The following UBXN10 variants were observed in gnomAD, a reference collection of about 807,000 sequenced individuals.
UBXN10 encodes UBX domain-containing protein 10.
Under a neutral mutation model 6.9 loss-of-function variants are expected in UBXN10, and 6 were observed. The observed-to-expected ratio is 0.87, with a 90% confidence interval of 0.48 to 1.72. The LOEUF is 1.72. Among genes scored for constraint, UBXN10 ranks in the 40% most tolerant of loss-of-function variants. The probability of loss-of-function intolerance (pLI) is 0.01; values close to 1 mark genes in which losing one functional copy is unlikely to be tolerated. For synonymous variants in UBXN10, 131 were observed against 135.2 expected, an observed-to-expected ratio of 0.97 and a Z score of 0.21; for missense variants, 317 against 348.4, an observed-to-expected ratio of 0.91 and a Z score of 0.72.
At position 20,191,591 on chromosome 1, in the gene UBXN10, A is replaced by G; in HGVS notation, c.*187A>G. On this transcript the variant is annotated 3_prime_UTR_variant, in exon 2 of 2. Coordinates refer to ENST00000375099, the MANE Select transcript of UBXN10 (RefSeq NM_152376.5). The surrounding 1 kb of genome is among the most constrained non-coding windows in gnomAD (Gnocchi z 4.5). ...TGTGCCTATGCCGAGCGCGCTAAGAAGTCTCCCTTCCAGCTGTTCCATTCT... is the reference window on the plus strand; with the variant it reads ...TGTGCCTATGCCGAGCGCGCTAAGAGGTCTCCCTTCCAGCTGTTCCATTCT... 2.3e-6 allele frequency: 2 copies of G among 861,488 alleles called. No homozygotes were observed. Among genetic ancestry groups the G allele is most frequent in the Non-Finnish European group, 3.5e-6 (2 of 577,278 alleles). The allele number at this position is 861,488 out of a possible 1,614,324, so 53.4% of individuals were successfully genotyped here. A position where few individuals can be genotyped will look rare whatever the true frequency, so the allele number is the denominator to read the frequency against.
chr1:20,191,641 G>A lies in UBXN10; in HGVS notation c.*237G>A, dbSNP rs545216575. ...TCTCCACCACCAGCGTAACTGGCAA[G>A]TTACCAAGGTTGTTCCTGAAACAGC... On this transcript the variant is annotated 3_prime_UTR_variant, in exon 2 of 2. Coordinates refer to ENST00000375099, the MANE Select transcript of UBXN10 (RefSeq NM_152376.5). This position sits in a 1 kb window ranked among gnomAD's most constrained non-coding sequence, Gnocchi z 4.5. The A allele has an allele frequency of 1.5e-5, 8 of 527,700 alleles. No homozygotes were observed. In the African/African-American group the frequency reaches 1.5e-4, roughly 10 times the overall value. 32.7% of individuals were successfully genotyped at this position (527,700 alleles called of 1,614,324 possible). A position where few individuals can be genotyped will look rare whatever the true frequency, so the allele number is the denominator to read the frequency against.
intron 1 of UBXN10, among the ~76,000 whole-genome samples, chr1:20,189,871 C>T (rs1331147753): frequency 6.6e-6 from 1 of 152,242 alleles, no homozygotes; most frequent in Non-Finnish European, 1.5e-5. Context: ...TGGGTCCTAT[C>T]TCCAGCTCTG....
At chr1:20,183,469 C>T (rs565506349), upstream of UBXN10, among the ~76,000 whole-genome samples, 1 of 152,304 alleles carries the variant, frequency 6.6e-6, no homozygotes, top group South Asian at 2.1e-4. Flanking sequence ...AATTGCTCTG[C>T]TGCTCCTTCA....
Position 20,190,596 on chromosome 1 carries a change from C to T in UBXN10, c.35C>T (p.Pro12Leu). The change falls in exon 2 of 2, where the codon CCT (proline) becomes CTT (leucine). Residue 12 changes from proline (P) to leucine (L), a missense_variant. Transcript: ENST00000375099. ...ATEAPVNIAP[P>L]ECSTVVSTAV... ...GAAGCCCCTGTGAATATAGCACCAC[C>T]TGAGTGTAGCACTGTTGTCAGCACA... The T allele has an allele frequency of 6.2e-7, 1 of 1,614,132 alleles. No individual in the cohort carries two copies. Among genetic ancestry groups the T allele is most frequent in the African/African-American group, 1.3e-5 (1 of 75,026 alleles).
Position 20,191,271 on chromosome 1 carries a change from G to A in UBXN10, c.710G>A (p.Arg237Gln), listed in dbSNP as rs567277729. 8.1e-6 allele frequency: 13 copies of A among 1,614,166 alleles called. No homozygotes were observed. Among genetic ancestry groups the A allele is most frequent in the African/African-American group, 4.0e-5 (3 of 75,036 alleles). Reference sequence around the variant, plus strand: ...GAACAGAAAAACAAAACCTCCTACCGACACTGCAGCATTGAAACAATGGAG... The same window carrying A: ...GAACAGAAAAACAAAACCTCCTACCAACACTGCAGCATTGAAACAATGGAG... ...VAEQKNKTSY[R>Q]HCSIETMEVP... Residue 237 changes from arginine to glutamine, a missense_variant, in exon 2 of 2, where the codon CGA becomes CAA. Transcript: ENST00000375099. This position sits in a 1 kb window ranked among gnomAD's most constrained non-coding sequence, Gnocchi z 4.5.
chr1:20,190,408 T>C (rs533214164), intron 1 of UBXN10, 139 bp from the exon 2 acceptor site: 114 of 1,094,504 alleles, frequency 1.0e-4, no homozygotes, highest in Non-Finnish European at 1.3e-4. Flanking sequence ...CATGCCTGAA[T>C]GAATAAATTG....
In UBXN10 at chr1:20,191,349, T is replaced by G; in HGVS notation, c.788T>G (p.Ile263Ser). 1 of 1,614,072 alleles carries G rather than the reference T, an allele frequency of 6.2e-7. No homozygotes were observed. The highest frequency in any genetic ancestry group is 8.5e-7 in the Non-Finnish European group (1 of 1,179,982). Residue 263 changes from isoleucine (I) to serine (S), a missense_variant, in exon 2 of 2, where the codon ATC becomes AGC. By Grantham distance (142) the Ile-to-Ser change is moderately radical. Coordinates refer to ENST00000375099, the MANE Select transcript of UBXN10 (RefSeq NM_152376.5). This position sits in a 1 kb window ranked among gnomAD's most constrained non-coding sequence, Gnocchi z 4.5. ...ACCAAATCTCTGCAAGAGTGCAGAA[T>G]CCCCCACAAGTCTGTGCTGGGCATC... Reference protein sequence around the residue: ...DLTKSLQECRIPHKSVLGISL... With the variant: ...DLTKSLQECRSPHKSVLGISL...
Position 20,191,275 on chromosome 1 carries a change from C to T in UBXN10, c.714C>T (p.His238=). The T allele has an allele frequency of 6.2e-7, 1 of 1,614,240 alleles. No individual in the cohort carries two copies. The highest frequency in any genetic ancestry group is 1.1e-5 in the South Asian group (1 of 91,086). ...AGAAAAACAAAACCTCCTACCGACA[C>T]TGCAGCATTGAAACAATGGAGGTGC... is the stretch of plus-strand genomic sequence containing the variant. ...AEQKNKTSYR[H]CSIETMEVPR... The change falls in exon 2 of 2, where the codon CAC becomes CAT. Residue 238 remains histidine (H), a synonymous_variant. Coordinates refer to ENST00000375099, the MANE Select transcript of UBXN10 (RefSeq NM_152376.5). This position sits in a 1 kb window ranked among gnomAD's most constrained non-coding sequence, Gnocchi z 4.5.
At chr1:20,188,271 C>A (rs2018433354) in intron 1 of UBXN10, among the ~76,000 whole-genome samples, 1 of 152,128 alleles carries the variant, frequency 6.6e-6, no homozygotes, top group African/African-American at 2.4e-5. Flanking sequence ...TACTAGCAGC[C>A]AGACTGGGTG....
At position 20,195,155 on chromosome 1, in the gene UBXN10, C is replaced by T. The variant is rs977484003; in HGVS notation, c.*3751C>T. 4 of 167,144 alleles carry T rather than the reference C, an allele frequency of 2.4e-5. No individual in the cohort carries two copies. The highest frequency in any genetic ancestry group is 9.6e-5 in the African/African-American group (4 of 41,470). The allele number at this position is 167,144 out of a possible 1,614,324, so 10.4% of individuals were successfully genotyped here. A position where few individuals can be genotyped will look rare whatever the true frequency, so the allele number is the denominator to read the frequency against. On this transcript the variant is annotated 3_prime_UTR_variant, in exon 2 of 2. Coordinates refer to ENST00000375099, the MANE Select transcript of UBXN10 (RefSeq NM_152376.5). The stretch of plus-strand genomic sequence containing the variant: ...CCTGATTAGGGAAGCTTCTCCCAGC[C>T]CTTTCTGACGTTCATCTGTGTGCCT...
rs1432995471 is a variant in UBXN10 at position 20,192,284 on chromosome 1, GA to G, written c.*881del. ...AACCTCCTTGGCTTATTTGGGGGTGGAGCAATTGTTTTATTCCCCAGTTTCA... is the reference window on the plus strand; with the variant it reads ...AACCTCCTTGGCTTATTTGGGGGTGGGCAATTGTTTTATTCCCCAGTTTCA... On this transcript the variant is annotated 3_prime_UTR_variant, in exon 2 of 2. Coordinates refer to ENST00000375099, the MANE Select transcript of UBXN10 (RefSeq NM_152376.5). 1 of 167,090 alleles carries G rather than the reference GA, an allele frequency of 6.0e-6. No individual in the cohort carries two copies. The highest frequency in any genetic ancestry group is 2.4e-5 in the African/African-American group (1 of 41,442). The allele number at this position is 167,090 out of a possible 1,614,324, so 10.4% of individuals were successfully genotyped here.
intron 1 of UBXN10, among the ~76,000 whole-genome samples, chr1:20,188,645 A>T (rs1388679535): frequency 6.6e-6 from 1 of 152,226 alleles, no homozygotes; most frequent in East Asian, 1.9e-4. Flanking sequence ...GAATTAGAAG[A>T]GAAGTGATCA....
rs139448008 is a variant in UBXN10, at chr1:20,194,045, A to G, written c.*2641A>G. ...GAAAAGAAAGTGTTGGCAAGAAAAC[A>G]TGAACCCACCATTGGACTCTCAACT... is the stretch of plus-strand genomic sequence containing the variant. On this transcript the variant is annotated 3_prime_UTR_variant, in exon 2 of 2. Coordinates refer to ENST00000375099, the MANE Select transcript of UBXN10 (RefSeq NM_152376.5). 7.0e-3 allele frequency: 1,167 copies of G among 167,208 alleles called. 10 individuals are homozygous for G. The highest frequency in any genetic ancestry group is 0.034 in the Middle Eastern group (10 of 296). The allele number at this position is 167,208 out of a possible 1,614,324, so 10.4% of individuals were successfully genotyped here.
In UBXN10 at chr1:20,191,250, A is replaced by G; in HGVS notation, c.689A>G (p.Gln230Arg). The G allele has an allele frequency of 1.2e-6, 2 of 1,614,250 alleles. No individual in the cohort carries two copies. Among genetic ancestry groups the G allele is most frequent in the South Asian group, 1.1e-5 (1 of 91,086 alleles). The change falls in exon 2 of 2, where the codon CAG (glutamine) becomes CGG (arginine). Residue 230 changes from glutamine to arginine, a missense_variant. Coordinates refer to ENST00000375099, the MANE Select transcript of UBXN10 (RefSeq NM_152376.5). This position sits in a 1 kb window ranked among gnomAD's most constrained non-coding sequence, Gnocchi z 4.5. ...CAAACCATTGTTGCTGTGGCCGAAC[A>G]GAAAAACAAAACCTCCTACCGACAC... is the stretch of plus-strand genomic sequence containing the variant. ...DLQTIVAVAE[Q>R]KNKTSYRHCS...
Position 20,192,773 on chromosome 1 carries a change from T to C in UBXN10, c.*1369T>C, listed in dbSNP as rs977756591. On this transcript the variant is annotated 3_prime_UTR_variant, in exon 2 of 2. Coordinates refer to ENST00000375099, the MANE Select transcript of UBXN10 (RefSeq NM_152376.5). ...GCAGGAATCAGGAGTTCCAGAAGCA[T>C]ATACATGTGGCTACCCCAGCAACAA... The C allele has an allele frequency of 3.0e-5, 5 of 167,050 alleles. No individual in the cohort carries two copies. Among genetic ancestry groups the C allele is most frequent in the African/African-American group, 1.2e-4 (5 of 41,438 alleles). The allele number at this position is 167,050 out of a possible 1,614,324, so 10.3% of individuals were successfully genotyped here. A position where few individuals can be genotyped will look rare whatever the true frequency, so the allele number is the denominator to read the frequency against.
In UBXN10 at chr1:20,191,635, T is replaced by C. The variant is rs867552251; in HGVS notation, c.*231T>C. ...CCATTCTCTCCACCACCAGCGTAAC[T>C]GGCAAGTTACCAAGGTTGTTCCTGA... On this transcript the variant is annotated 3_prime_UTR_variant, in exon 2 of 2. Coordinates refer to ENST00000375099, the MANE Select transcript of UBXN10 (RefSeq NM_152376.5). This position sits in a 1 kb window ranked among gnomAD's most constrained non-coding sequence, Gnocchi z 4.5. 1.4e-5 allele frequency: 8 copies of C among 557,730 alleles called. No individual in the cohort carries two copies. In the Middle Eastern group the frequency reaches 1.5e-3, roughly 105 times the overall value. 34.5% of individuals were successfully genotyped at this position (557,730 alleles called of 1,614,324 possible). A position where few individuals can be genotyped will look rare whatever the true frequency, so the allele number is the denominator to read the frequency against.
At chr1:20,186,005 G>A (rs1327044316), upstream of UBXN10, 2 of 54,640 alleles carry the variant, frequency 3.7e-5, no homozygotes, top group Non-Finnish European at 7.3e-5. Flanking sequence ...GCCCCCACCC[G>A]ACCCCACCCG....
In UBXN10 at chr1:20,193,822, T is replaced by C. The variant is rs1408926670; in HGVS notation, c.*2418T>C. ...AACAAACTAAATCAGAATTCAGAGT[T>C]CCTGATGGCTCCACATGTTGCATTG... On this transcript the variant is annotated 3_prime_UTR_variant, in exon 2 of 2. Coordinates refer to ENST00000375099, the MANE Select transcript of UBXN10 (RefSeq NM_152376.5). The C allele has an allele frequency of 6.0e-6, 1 of 167,034 alleles. No homozygotes were observed. The highest frequency in any genetic ancestry group is 6.5e-5 in the Admixed American group (1 of 15,286). 10.3% of individuals were successfully genotyped at this position (167,034 alleles called of 1,614,324 possible).
chr1:20,188,029 C>T (rs192567028), intron 1 of UBXN10, among the ~76,000 whole-genome samples: 9 of 152,194 alleles, frequency 5.9e-5, no homozygotes, highest in African/African-American at 1.9e-4. Context: ...CCGAGAGGGG[C>T]GTGGGTTTGC....
Sources: gnomAD v4.1 joint callset for allele counts (sites outside exome capture counted in the v4.1 genomes callset) on GRCh38, gnomAD v4.1.1 for gene constraint, Gnocchi (gnomAD v3.1) non-coding constraint, MANE v1.5 for transcripts, NCBI Gene and HGNC (gene_info 2026-07-23, HGNC 2026-07-21) for gene names.